The following ADAM18 variants were observed in gnomAD, a reference collection of about 807,000 sequenced individuals.
The protein encoded by ADAM18 is ADAM metallopeptidase domain 18.
A neutral mutation model predicts 94.4 loss-of-function variants in ADAM18; 117 were observed. That is an observed-to-expected ratio of 1.24 (90% CI 1.07 to 1.45). ADAM18 has a LOEUF of 1.45. Ranked by LOEUF, ADAM18 falls within the 40% of genes most tolerant of loss-of-function variation. ADAM18 has a pLI of 0.00. For missense variants in ADAM18, 936 were observed against 880.0 expected (o/e 1.06, Z -0.81); for synonymous variants, 327 against 291.6 (o/e 1.12, Z -1.24).
At chr8:39,590,081 C>T (rs62511872) in intron 2 of ADAM18, among the ~76,000 whole-genome samples, 1,989 of 126,536 alleles carry the variant, frequency 0.016, no homozygotes, top group Non-Finnish European at 0.022. Context: ...CATCCCATTA[C>T]TGGGTATATA....
chr8:39,691,595 G>T (rs959150003), intron 16 of ADAM18, among the ~76,000 whole-genome samples: 1 of 151,986 alleles, frequency 6.6e-6, no homozygotes, highest in African/African-American at 2.4e-5. Flanking sequence ...CTCATTAATG[G>T]ATGAATGGAT....
At chr8:39,704,515 A>T (rs1467219653) in intron 17 of ADAM18, among the ~76,000 whole-genome samples, 2 of 152,100 alleles carry the variant, frequency 1.3e-5, no homozygotes, top group African/African-American at 4.8e-5. Context: ...ATATTTTTAA[A>T]TTTTTTATAA....
intron 6 of ADAM18, among the ~76,000 whole-genome samples, chr8:39,620,821 CAGAGATGT>C (rs906600952): frequency 1.3e-5 from 2 of 151,420 alleles, no homozygotes; most frequent in African/African-American, 4.9e-5. Context: ...ACTGTGCACA[CAGAGATGT>C]AGAGTGTGGA....
At chr8:39,718,690 C>T (rs1171706969) in intron 18 of ADAM18, among the ~76,000 whole-genome samples, 1 of 149,960 alleles carries the variant, frequency 6.7e-6, no homozygotes, top group African/African-American at 2.4e-5. Context: ...CAATCTAGAT[C>T]TCTCGTTAGG....
intron 12 of ADAM18, among the ~76,000 whole-genome samples, chr8:39,650,882 A>G (rs1467562612): frequency 1.3e-5 from 2 of 152,118 alleles, no homozygotes; most frequent in African/African-American, 2.4e-5. Context: ...ACAGAGACAA[A>G]GTATAGAGAA....
chr8:39,585,246 G>T (rs755249846), intron 1 of ADAM18, 30 bp from the exon 2 acceptor site: 2 of 1,584,486 alleles, frequency 1.3e-6, no homozygotes, highest in Non-Finnish European at 1.7e-6. Flanking sequence ...GCAAAACAAA[G>T]ACAAAAACAA....
intron 2 of ADAM18, among the ~76,000 whole-genome samples, chr8:39,601,361 ATACTTG>A (rs1818899087): frequency 6.6e-6 from 1 of 152,224 alleles, no homozygotes; most frequent in Non-Finnish European, 1.5e-5. Context: ...TTTATAAGTA[ATACTTG>A]TTTCCTCCAC....
intron 6 of ADAM18, among the ~76,000 whole-genome samples, chr8:39,612,974 C>T (rs1395767741): frequency 2.0e-5 from 3 of 152,128 alleles, no homozygotes; most frequent in Admixed American, 2.0e-4. Context: ...AGCCTCACCC[C>T]TGCCAGTACA....
chr8:39,725,670 C>T (rs1003928581), intron 19 of ADAM18, among the ~76,000 whole-genome samples: 1 of 152,136 alleles, frequency 6.6e-6, no homozygotes, highest in Non-Finnish European at 1.5e-5. Flanking sequence ...CATGAGATAA[C>T]AAATAAGAGA....
intron 15 of ADAM18, 69 bp from the exon 16 acceptor site, chr8:39,679,968 A>G: frequency 7.0e-7 from 1 of 1,428,288 alleles, no homozygotes; most frequent in Non-Finnish European, 9.8e-7. Context: ...ACCATTATGC[A>G]GTACTCACTT....
intron 16 of ADAM18, among the ~76,000 whole-genome samples, chr8:39,686,125 G>T (rs1417883662): frequency 6.6e-6 from 1 of 152,072 alleles, no homozygotes; most frequent in Non-Finnish European, 1.5e-5. Context: ...AGCAATGCAG[G>T]CTTTTTCTAG....
At chr8:39,640,839 G>A (rs1253842142) in intron 10 of ADAM18, among the ~76,000 whole-genome samples, 1 of 149,536 alleles carries the variant, frequency 6.7e-6, no homozygotes, top group Non-Finnish European at 1.5e-5. Flanking sequence ...AGAAGTGTCT[G>A]TTCTTGTCCT....
At chr8:39,606,716 C>T (rs937433311) in intron 3 of ADAM18, among the ~76,000 whole-genome samples, 2 of 152,126 alleles carry the variant, frequency 1.3e-5, no homozygotes, top group Non-Finnish European at 2.9e-5. Flanking sequence ...GACCACCAAA[C>T]AGGCTTTGTG....
rs1232560181 is a variant in ADAM18, at chr8:39,680,119, T to C, written c.1714T>C (p.Tyr572His). The C allele has an allele frequency of 6.8e-6, 11 of 1,613,808 alleles. No individual in the cohort carries two copies. Among genetic ancestry groups the C allele is most frequent in the Non-Finnish European group, 1.7e-6 (2 of 1,179,900 alleles). ...KSDAQSTVYS[Y>H]IQDHVCVSIA... ...TGACGCTCAATCTACAGTTTATTCA[T>C]ATATTCAAGACCATGTATGTGTATC... The change falls in exon 16 of 20, where the codon TAT (tyrosine) becomes CAT (histidine). Residue 572 changes from tyrosine (Y) to histidine (H), a missense_variant. Transcript: ENST00000265707.
intron 6 of ADAM18, among the ~76,000 whole-genome samples, chr8:39,611,978 G>A (rs1819287769): frequency 6.6e-6 from 1 of 151,896 alleles, no homozygotes; most frequent in African/African-American, 2.4e-5. Flanking sequence ...CACAAAGGAA[G>A]ATAGCAAGAC....
At chr8:39,588,838 A>C (rs960657458) in intron 2 of ADAM18, among the ~76,000 whole-genome samples, 1 of 152,130 alleles carries the variant, frequency 6.6e-6, no homozygotes, top group Non-Finnish European at 1.5e-5. Flanking sequence ...TACTTATAAG[A>C]TTTTGGCTTG....
chr8:39,617,653 A>G (rs1819482792), intron 6 of ADAM18, among the ~76,000 whole-genome samples: 2 of 152,230 alleles, frequency 1.3e-5, no homozygotes, highest in South Asian at 4.1e-4. Context: ...AATACTACAC[A>G]GCCATAAAGA....
rs147737285 is a variant in ADAM18 at position 39,622,295 on chromosome 8, A to G, written c.523-7079A>G. Among the ~76,000 whole-genome samples, 896 of 149,180 alleles carry G rather than the reference A, an allele frequency of 6.0e-3. 5 individuals are homozygous for G. The highest frequency in any genetic ancestry group is 0.021 in the African/African-American group (850 of 41,012). On this transcript the variant is annotated intron_variant, in intron 6 of 19. Coordinates refer to ENST00000265707, the MANE Select transcript of ADAM18 (RefSeq NM_014237.3). Reference sequence around the variant, plus strand: ...AATATATTATGTATATTATATACATAATTTTACATATATAATATACATAAT... The same window carrying G: ...AATATATTATGTATATTATATACATGATTTTACATATATAATATACATAAT...
intron 14 of ADAM18, among the ~76,000 whole-genome samples, chr8:39,675,591 TTTG>T (rs1821278366): frequency 6.6e-6 from 1 of 152,224 alleles, no homozygotes; most frequent in African/African-American, 2.4e-5. Context: ...CTCGGAGAAG[TTTG>T]TTATTACCAA....
Sources: gnomAD v4.1 joint callset for allele counts (sites outside exome capture counted in the v4.1 genomes callset) on GRCh38, gnomAD v4.1.1 for gene constraint, MANE v1.5 for transcripts, NCBI Gene and HGNC (gene_info 2026-07-23, HGNC 2026-07-21) for gene names.